Variants in PCDHA2 observed in about 807,000 individuals in gnomAD.
The protein encoded by PCDHA2 is protocadherin alpha-2.
In PCDHA2, 58 loss-of-function variants were observed where a neutral mutation model predicts 66.0. The ratio of observed to expected loss-of-function variants is 0.88; its 90% CI spans 0.71 to 1.09. PCDHA2 has a LOEUF of 1.09. Ranked by LOEUF, PCDHA2 falls within the 50% of genes least tolerant of loss-of-function variation. The pLI is 0.00. For synonymous variants in PCDHA2, 634 were observed against 554.0 expected (o/e 1.14, Z -2.03); for missense variants, 1,267 against 1,242.3 (o/e 1.02, Z -0.30).
intron 1 of PCDHA2, chr5:140,825,426 T>A (rs1234497621): frequency 6.8e-6 from 1 of 147,558 alleles, no homozygotes; most frequent in African/African-American, 2.5e-5. Context: ...ATATATATAA[T>A]AAATATATAA....
intron 1 of PCDHA2, chr5:140,807,653 G>C: frequency 1.9e-6 from 3 of 1,614,186 alleles, no homozygotes; most frequent in Non-Finnish European, 2.5e-6. Flanking sequence ...TCCACTAGAG[G>C]GCGCCTCGGA....
intron 1 of PCDHA2, chr5:140,883,380 T>C (rs1554177974): frequency 1.2e-6 from 2 of 1,614,176 alleles, no homozygotes; most frequent in Admixed American, 3.3e-5. Context: ...ATTATTGCCC[T>C]AATCAGTGTG....
intron 1 of PCDHA2, among the ~76,000 whole-genome samples, chr5:140,919,511 G>A (rs782614998): frequency 1.3e-5 from 2 of 151,848 alleles, no homozygotes; most frequent in Non-Finnish European, 2.9e-5. Flanking sequence ...TTTTCTATAT[G>A]TTTTAATTCT....
intron 1 of PCDHA2, chr5:140,809,198 GA>G: frequency 6.2e-7 from 1 of 1,614,074 alleles, no homozygotes; most frequent in Non-Finnish European, 8.5e-7. Flanking sequence ...GTCACTTGTG[GA>G]GAGTGGACAG....
At chr5:140,963,032 T>G (rs541613535) in intron 1 of PCDHA2, among the ~76,000 whole-genome samples, 2 of 152,172 alleles carry the variant, frequency 1.3e-5, no homozygotes, top group African/African-American at 2.4e-5. Flanking sequence ...CAATTAACAT[T>G]TATTGAGAGT....
At chr5:140,954,844 C>T (rs1195160424) in intron 1 of PCDHA2, among the ~76,000 whole-genome samples, 1 of 152,070 alleles carries the variant, frequency 6.6e-6, no homozygotes, top group African/African-American at 2.4e-5. Flanking sequence ...GAAATCTTTG[C>T]CTGTGCCTAT....
rs1490925820 is a variant in PCDHA2, at chr5:140,842,691, A to G, written c.2388+45339A>G. On this transcript the variant is annotated intron_variant, in intron 1 of 3. Coordinates refer to ENST00000526136, the MANE Select transcript of PCDHA2 (RefSeq NM_018905.3). The stretch of plus-strand genomic sequence containing the variant: ...AACGACAATGCTCCGGCGTTCGCGC[A>G]GCCCGAGTACACGGTGTTCGTGAAG... The G allele has an allele frequency of 1.9e-6, 3 of 1,595,232 alleles. 1 individual carries two copies. Among genetic ancestry groups the G allele is most frequent in the Non-Finnish European group, 2.6e-6 (3 of 1,165,546 alleles).
At chr5:140,872,049 T>A (rs2053460307) in intron 1 of PCDHA2, among the ~76,000 whole-genome samples, 1 of 152,248 alleles carries the variant, frequency 6.6e-6, no homozygotes, top group African/African-American at 2.4e-5. Context: ...ATTCTCCCAC[T>A]TCAGCCTCCA....
At chr5:140,899,814 G>A (rs1212568701) in intron 1 of PCDHA2, among the ~76,000 whole-genome samples, 8 of 152,012 alleles carry the variant, frequency 5.3e-5, no homozygotes, top group African/African-American at 7.2e-5. Flanking sequence ...ATTTTGTTTT[G>A]TTTTTCCTTT....
At chr5:140,878,002 C>T in intron 1 of PCDHA2, 1 of 1,005,678 alleles carries the variant, frequency 9.9e-7, no homozygotes. Flanking sequence ...ATGTATTTGT[C>T]TAACATTAAT....
chr5:140,869,588 T>TC, intron 1 of PCDHA2: 1 of 1,614,114 alleles, frequency 6.2e-7, no homozygotes. Context: ...GATGCTGACA[T>TC]TGAAGAGAAT....
intron 1 of PCDHA2, chr5:140,855,925 C>G (rs1161071214): frequency 2.4e-6 from 3 of 1,240,504 alleles, no homozygotes; most frequent in Non-Finnish European, 3.4e-6. Flanking sequence ...TAGGAAGTAG[C>G]GTCATTCTGA....
chr5:140,962,806 A>G (rs2095710017), intron 1 of PCDHA2, among the ~76,000 whole-genome samples: 1 of 152,204 alleles, frequency 6.6e-6, no homozygotes, highest in Admixed American at 6.5e-5. Context: ...ACAACTCTAA[A>G]CATCAGAGAT....
At chr5:140,829,378 CG>C (rs2150166771) in intron 1 of PCDHA2, 1 of 1,614,062 alleles carries the variant, frequency 6.2e-7, no homozygotes, top group Non-Finnish European at 8.5e-7. Context: ...CCGCGCGGGA[CG>C]GGGGCTCGCC....
chr5:140,836,011 C>A (rs2150250556), intron 1 of PCDHA2: 3 of 1,613,394 alleles, frequency 1.9e-6, no homozygotes, highest in Non-Finnish European at 8.5e-7. Flanking sequence ...GCGGGCGTGC[C>A]GCCTCTGGGC....
At chr5:140,976,637 A>G (rs781951504) in intron 1 of PCDHA2, among the ~76,000 whole-genome samples, 16 of 152,226 alleles carry the variant, frequency 1.1e-4, no homozygotes, top group Non-Finnish European at 1.5e-4. Flanking sequence ...CAGCAATCAG[A>G]CAAGTAATTT....
intron 1 of PCDHA2, chr5:140,847,393 A>G (rs997317821): frequency 1.3e-5 from 2 of 149,740 alleles, no homozygotes; most frequent in African/African-American, 4.9e-5. Context: ...AAAAACATTA[A>G]TGGCACAATA....
chr5:140,981,944 G>A (rs893119825), intron 2 of PCDHA2, among the ~76,000 whole-genome samples: 2 of 152,174 alleles, frequency 1.3e-5, no homozygotes, highest in Non-Finnish European at 2.9e-5. Flanking sequence ...GAAATATAGG[G>A]TGGGTCATCT....
At chr5:140,817,203 A>C (rs1267159890) in intron 1 of PCDHA2, 1 of 152,316 alleles carries the variant, frequency 6.6e-6, no homozygotes, top group Non-Finnish European at 1.5e-5. Context: ...CACTGAATGC[A>C]TGCTTTACTT....
Sources: gnomAD v4.1 joint callset for allele counts (sites outside exome capture counted in the v4.1 genomes callset) on GRCh38, gnomAD v4.1.1 for gene constraint, MANE v1.5 for transcripts, NCBI Gene and HGNC (gene_info 2026-07-23, HGNC 2026-07-21) for gene names.